The following RAPGEF1 variants were observed in gnomAD, a reference collection of about 807,000 sequenced individuals.
The protein encoded by RAPGEF1 is CRK SH3-binding GNRP.
In RAPGEF1, 33 loss-of-function variants were observed where a neutral mutation model predicts 143.3. The observed-to-expected ratio is 0.23, with a 90% CI of 0.17 to 0.31. The LOEUF is 0.31. Ranked by LOEUF, RAPGEF1 falls within the 10% of genes least tolerant of loss-of-function variation. RAPGEF1 has a pLI of 1.00. For synonymous variants in RAPGEF1, 629 were observed against 676.5 expected (o/e 0.93, Z 1.09); for missense variants, 1,199 against 1,645.4 (o/e 0.73, Z 4.69).
chr9:131,702,447 G>T (rs1028959593), intron 1 of RAPGEF1, among the ~76,000 whole-genome samples: 1 of 152,212 alleles, frequency 6.6e-6, no homozygotes, highest in African/African-American at 2.4e-5. Flanking sequence ...TCTTAACACC[G>T]ATAATGGCTT....
In RAPGEF1 at chr9:131,621,658, A is replaced by T. The variant is rs1961074793; in HGVS notation, c.1905+138T>A. On this transcript the variant is annotated intron_variant, in intron 11 of 26. Transcript: ENST00000683357. This position sits in a 1 kb window ranked among gnomAD's most constrained non-coding sequence, Gnocchi z 4.5. ...GGAAGTAAAAGCATCTGTGTGGGAGATGGTGCCTTCCACGCCCAAAACCAG... is the reference window on the plus strand; with the variant it reads ...GGAAGTAAAAGCATCTGTGTGGGAGTTGGTGCCTTCCACGCCCAAAACCAG... 1.2e-6 allele frequency: 1 copy of T among 825,740 alleles called. No individual in the cohort carries two copies. Among genetic ancestry groups the T allele is most frequent in the African/African-American group, 1.7e-5 (1 of 58,608 alleles). The allele number at this position is 825,740 out of a possible 1,614,324, so 51.2% of individuals were successfully genotyped here. A position where few individuals can be genotyped will look rare whatever the true frequency, so the allele number is the denominator to read the frequency against.
intron 1 of RAPGEF1, among the ~76,000 whole-genome samples, chr9:131,651,695 T>C (rs1037991788): frequency 4.6e-5 from 7 of 152,200 alleles, no homozygotes; most frequent in Non-Finnish European, 7.3e-5. Context: ...CTACAAATAC[T>C]ACTACTAAGA....
chr9:131,686,285 T>C (rs374679794), intron 1 of RAPGEF1, among the ~76,000 whole-genome samples: 24 of 152,214 alleles, frequency 1.6e-4, no homozygotes, highest in African/African-American at 4.8e-4. Flanking sequence ...AAACTTTATT[T>C]ATAAAAACAG....
In RAPGEF1 at chr9:131,674,133, A is replaced by AGGG. The variant is rs5900950; in HGVS notation, c.62-23187_62-23185dup. On this transcript the variant is annotated intron_variant, in intron 1 of 26. Transcript: ENST00000683357. ...ACAAATTGAACCACCACTGCAGAGC[A>AGGG]GGGATTGGGATATATCTAGTTTCTT... Among the ~76,000 whole-genome samples the AGGG allele has an allele frequency of 1.8e-4, 27 of 152,332 alleles. 2 individuals are homozygous for AGGG. The South Asian group carries it at 5.2e-3, about 29-fold the overall frequency.
intron 18 of RAPGEF1, among the ~76,000 whole-genome samples, chr9:131,591,085 G>A (rs1040941037): frequency 6.6e-6 from 1 of 152,264 alleles, no homozygotes; most frequent in Admixed American, 6.5e-5. Flanking sequence ...ACACGTGTGA[G>A]TGACAGCCAT....
rs1224447117 is a variant in RAPGEF1 at position 131,604,966 on chromosome 9, C to G, written c.2284G>C (p.Val762Leu). The G allele has an allele frequency of 7.6e-7, 1 of 1,318,502 alleles. No individual in the cohort carries two copies. Among genetic ancestry groups the G allele is most frequent in the African/African-American group, 1.5e-5 (1 of 66,590 alleles). 81.7% of individuals were successfully genotyped at this position (1,318,502 alleles called of 1,614,324 possible). A position where few individuals can be genotyped will look rare whatever the true frequency, so the allele number is the denominator to read the frequency against. ...SQESSFHGNT[V>L]CLPSETSFTD... ...AAAGAGGTTTCGGAAGGAAGGCAGACAGTATTCCCATGAAAGCTGCTCTCC... is the reference window on the plus strand; with the variant it reads ...AAAGAGGTTTCGGAAGGAAGGCAGAGAGTATTCCCATGAAAGCTGCTCTCC... The change falls in exon 13 of 27, where the codon GTC becomes CTC. Residue 762 changes from valine (V) to leucine (L), a missense_variant. Physicochemically the swap from Val to Leu is conservative, Grantham distance 32. This residue lies in a region of RAPGEF1 where 293 missense variants were observed against 356.2 expected (regional missense o/e 0.82). Transcript: ENST00000683357.
intron 1 of RAPGEF1, chr9:131,737,673 T>A (rs11243496): frequency 0.31 from 364,053 of 1,175,216 alleles, 60,263 homozygotes; most frequent in Non-Finnish European, 0.34. Context: ...TTCCTTTTTT[T>A]AAAAAAAGAG....
At chr9:131,639,924 A>G (rs1031129771) in intron 4 of RAPGEF1, among the ~76,000 whole-genome samples, 3 of 152,232 alleles carry the variant, frequency 2.0e-5, no homozygotes, top group Admixed American at 1.3e-4. Flanking sequence ...GCAAGGATCT[A>G]AAGTTTCCAT....
chr9:131,640,636 T>G (rs1220678095), intron 4 of RAPGEF1, among the ~76,000 whole-genome samples: 1 of 152,094 alleles, frequency 6.6e-6, no homozygotes, highest in African/African-American at 2.4e-5. Flanking sequence ...CGTGCCTCAC[T>G]CGGGAATCCT....
At chr9:131,702,433 G>T (rs1254926849) in intron 1 of RAPGEF1, among the ~76,000 whole-genome samples, 1 of 152,166 alleles carries the variant, frequency 6.6e-6, no homozygotes, top group Admixed American at 6.5e-5. Flanking sequence ...ATAACAAAAT[G>T]GATTCTTAAC....
intron 1 of RAPGEF1, among the ~76,000 whole-genome samples, chr9:131,686,267 T>C (rs898013560): frequency 1.3e-5 from 2 of 152,208 alleles, no homozygotes; most frequent in African/African-American, 4.8e-5. Flanking sequence ...TATGGCTGTG[T>C]TCCAACAAAA....
At chr9:131,651,143 G>A (rs755881777) in intron 1 of RAPGEF1, among the ~76,000 whole-genome samples, 194 bp from the exon 2 acceptor site, 8 of 152,146 alleles carry the variant, frequency 5.3e-5, no homozygotes, top group African/African-American at 9.7e-5. Context: ...TTTTCATCAA[G>A]GAATTGTGGA....
intron 12 of RAPGEF1, among the ~76,000 whole-genome samples, chr9:131,609,948 G>C (rs1204824232): frequency 6.6e-6 from 1 of 152,200 alleles, no homozygotes; most frequent in African/African-American, 2.4e-5. Flanking sequence ...CCAGGTTGGA[G>C]TGCAGTGATG....
intron 1 of RAPGEF1, among the ~76,000 whole-genome samples, chr9:131,728,949 T>TGAGA (rs1353130006): frequency 6.6e-6 from 1 of 152,270 alleles, no homozygotes; most frequent in Admixed American, 6.5e-5. Flanking sequence ...AAGGAAAAAC[T>TGAGA]GAGAGTTAGA....
At chr9:131,732,156 T>C (rs917479644) in intron 1 of RAPGEF1, among the ~76,000 whole-genome samples, 3 of 151,766 alleles carry the variant, frequency 2.0e-5, no homozygotes, top group Non-Finnish European at 4.4e-5. Flanking sequence ...ACCCCAGCCC[T>C]AGACAGCACA....
chr9:131,595,113 G>A (rs116804708), intron 17 of RAPGEF1, among the ~76,000 whole-genome samples: 3,033 of 152,304 alleles, frequency 0.02, 102 homozygotes, highest in African/African-American at 0.068. Context: ...AACAGGCACC[G>A]TTCACCCCTT....
chr9:131,723,703 C>T (rs533095242), intron 1 of RAPGEF1, among the ~76,000 whole-genome samples: 1 of 152,206 alleles, frequency 6.6e-6, no homozygotes, highest in Non-Finnish European at 1.5e-5. Context: ...TCACTTCCAT[C>T]TTTTGGCTGT....
At chr9:131,672,162 C>A (rs1831511079) in intron 1 of RAPGEF1, among the ~76,000 whole-genome samples, 2 of 152,180 alleles carry the variant, frequency 1.3e-5, no homozygotes, top group Admixed American at 1.3e-4. Flanking sequence ...AGCACAGGTG[C>A]AAAGGCACAG....
At chr9:131,595,242 C>T (rs900141864) in intron 17 of RAPGEF1, among the ~76,000 whole-genome samples, 14 of 152,216 alleles carry the variant, frequency 9.2e-5, no homozygotes, top group African/African-American at 3.4e-4. Context: ...CTGCCCTGGT[C>T]AGAACAAACA....
Sources: gnomAD v4.1 joint callset for allele counts (sites outside exome capture counted in the v4.1 genomes callset) on GRCh38, gnomAD v4.1.1 for gene constraint, gnomAD v4.1.1 regional missense constraint, Gnocchi (gnomAD v3.1) non-coding constraint, MANE v1.5 for transcripts, NCBI Gene and HGNC (gene_info 2026-07-23, HGNC 2026-07-21) for gene names.